The following NPAS3 variants were observed in gnomAD, a reference collection of about 807,000 sequenced individuals.
NPAS3 encodes the protein neuronal PAS domain-containing protein 3.
A neutral mutation model predicts 73.1 loss-of-function variants in NPAS3; 14 were observed. The ratio of observed to expected loss-of-function variants is 0.19; its 90% confidence interval spans 0.13 to 0.30. The LOEUF (loss-of-function observed/expected upper bound fraction) is 0.30, where lower values mean the gene tolerates loss of function less well. Ranked by LOEUF, NPAS3 falls within the 10% of genes least tolerant of loss-of-function variation. The pLI is 1.00. For synonymous variants in NPAS3, 620 were observed against 541.5 expected, an observed-to-expected ratio of 1.14 and a Z score of -2.01; for missense variants, 1,096 against 1,250.0, an observed-to-expected ratio of 0.88 and a Z score of 1.86.
chr14:33,297,297 T>A (rs1031256455), intron 3 of NPAS3, among the ~76,000 whole-genome samples: 6 of 152,166 alleles, frequency 3.9e-5, no homozygotes, highest in African/African-American at 1.4e-4. Context: ...TAACTTAATA[T>A]ATACAAAACA....
intron 4 of NPAS3, among the ~76,000 whole-genome samples, chr14:33,468,528 C>T (rs147298148): frequency 1.3e-5 from 2 of 152,262 alleles, no homozygotes; most frequent in African/African-American, 4.8e-5. Flanking sequence ...GGATGCTTCT[C>T]TATAAGAATC....
intron 2 of NPAS3, among the ~76,000 whole-genome samples, chr14:33,201,579 G>C (rs2046618412): frequency 6.6e-6 from 1 of 152,202 alleles, no homozygotes; most frequent in South Asian, 2.1e-4. Flanking sequence ...GTATATTTAA[G>C]AAAGGGCTCA....
chr14:33,346,862 AG>A (rs1299959572), intron 3 of NPAS3, among the ~76,000 whole-genome samples: 2 of 152,136 alleles, frequency 1.3e-5, no homozygotes, highest in African/African-American at 4.8e-5. Context: ...GAAGCTGGGA[AG>A]CATTTCAGAA....
At chr14:32,952,716 T>C (rs1256170001) in intron 1 of NPAS3, among the ~76,000 whole-genome samples, 2 of 152,140 alleles carry the variant, frequency 1.3e-5, no homozygotes, top group Non-Finnish European at 1.5e-5. Context: ...TAGTTAAAAG[T>C]CACTAACTGT....
At chr14:33,444,417 AC>A (rs2049392384) in intron 4 of NPAS3, among the ~76,000 whole-genome samples, 1 of 152,266 alleles carries the variant, frequency 6.6e-6, no homozygotes, top group Admixed American at 6.5e-5. Flanking sequence ...AAACAAAGTA[AC>A]TGTCTTCGAA....
intron 5 of NPAS3, among the ~76,000 whole-genome samples, chr14:33,583,067 T>A (rs2056738733): frequency 6.9e-6 from 1 of 144,312 alleles, no homozygotes; most frequent in East Asian, 2.0e-4. Flanking sequence ...GCCCTAGTCT[T>A]CTGACACCTT....
chr14:33,222,461 G>T lies in NPAS3; in HGVS notation c.385+7035G>T, dbSNP rs566895487. Reference sequence around the variant, plus strand: ...TTGGGTTTGCTTGAACTCCTATTCAGCATTCACATCCCAGCTCAGATGTCA... The same window carrying T: ...TTGGGTTTGCTTGAACTCCTATTCATCATTCACATCCCAGCTCAGATGTCA... On this transcript the variant is annotated intron_variant, in intron 3 of 11. Coordinates refer to ENST00000356141, the Ensembl canonical transcript of NPAS3. Among the ~76,000 whole-genome samples the T allele has an allele frequency of 3.3e-5, 5 of 152,298 alleles. 1 individual carries two copies. The East Asian group carries it at 9.7e-4, about 29-fold the overall frequency.
At chr14:33,156,087 T>G (rs768541689) in intron 2 of NPAS3, among the ~76,000 whole-genome samples, 1 of 152,010 alleles carries the variant, frequency 6.6e-6, no homozygotes, top group Non-Finnish European at 1.5e-5. Context: ...ATAATAAAAA[T>G]AGGAACTTTT....
intron 4 of NPAS3, among the ~76,000 whole-genome samples, chr14:33,427,425 A>C (rs1032518197): frequency 3.3e-5 from 5 of 151,976 alleles, no homozygotes; most frequent in Admixed American, 2.6e-4. Flanking sequence ...AGTAAATTCC[A>C]CAACCAGAAA....
intron 1 of NPAS3, among the ~76,000 whole-genome samples, chr14:32,999,287 A>G (rs1446505602): frequency 1.1e-4 from 16 of 152,154 alleles, no homozygotes; most frequent in Admixed American, 4.6e-4. Flanking sequence ...CAAGGTGGGC[A>G]GATCACAAGG....
At chr14:32,934,858 T>A (rs2035646519), upstream of NPAS3, 10 of 597,320 alleles carry the variant, frequency 1.7e-5, no homozygotes, top group Non-Finnish European at 2.1e-5. This position sits in a 1 kb window ranked among gnomAD's most constrained non-coding sequence, Gnocchi z 4.1. Context: ...GATCCGAATC[T>A]TTCCGGATTT....
chr14:33,345,801 T>G (rs999656409), intron 3 of NPAS3, among the ~76,000 whole-genome samples: 2 of 152,242 alleles, frequency 1.3e-5, no homozygotes, highest in African/African-American at 4.8e-5. Context: ...GCATATCAGC[T>G]AAGTACTTAC....
intron 3 of NPAS3, among the ~76,000 whole-genome samples, chr14:33,263,712 A>G (rs1364458038): frequency 6.6e-6 from 1 of 152,162 alleles, no homozygotes; most frequent in Admixed American, 6.5e-5. Context: ...TATCTTGGGT[A>G]GTATGGCCAT....
intron 5 of NPAS3, among the ~76,000 whole-genome samples, chr14:33,637,226 T>C (rs1399082460): frequency 6.6e-6 from 1 of 152,170 alleles, no homozygotes; most frequent in Admixed American, 6.5e-5. Flanking sequence ...TAGTCACAAA[T>C]CTATAATTAA....
chr14:33,116,675 G>C (rs1311626844), intron 2 of NPAS3, among the ~76,000 whole-genome samples: 1 of 152,036 alleles, frequency 6.6e-6, no homozygotes, highest in Non-Finnish European at 1.5e-5. Flanking sequence ...ACTGACAAAA[G>C]TTGTGCCAGG....
At chr14:33,234,319 G>A (rs1039837710) in intron 3 of NPAS3, among the ~76,000 whole-genome samples, 3 of 152,082 alleles carry the variant, frequency 2.0e-5, no homozygotes, top group African/African-American at 7.2e-5. Flanking sequence ...CCAAGAAATG[G>A]GAAAGTAATA....
rs542288853 is a variant in NPAS3, at chr14:33,671,635, C to G, written c.559-4576C>G. ...TGATTATTTATTACTTGTTGCCTATCTATCTGCTGCCCCTGATGCATTCTC... is the reference window on the plus strand; with the variant it reads ...TGATTATTTATTACTTGTTGCCTATGTATCTGCTGCCCCTGATGCATTCTC... On this transcript the variant is annotated intron_variant, in intron 5 of 11. Transcript: ENST00000356141. Among the ~76,000 whole-genome samples, 4 of 152,316 alleles carry G rather than the reference C, an allele frequency of 2.6e-5. No individual in the cohort carries two copies. The South Asian group carries it at 6.2e-4, about 24-fold the overall frequency.
rs895392565 is a variant in NPAS3 at position 33,794,466 on chromosome 14, G to T, written c.1301+422G>T. Among the ~76,000 whole-genome samples the T allele has an allele frequency of 8.5e-5, 13 of 152,148 alleles. 1 individual carries two copies. The highest frequency in any genetic ancestry group is 2.4e-4 in the African/African-American group (10 of 41,444). On this transcript the variant is annotated intron_variant, in intron 10 of 11. Coordinates refer to ENST00000356141, the Ensembl canonical transcript of NPAS3. ...AACAGAGCGGGAGAAAAGTGGCAGGGAACATTATATTCCTCTTATATTTCT... is the reference window on the plus strand; with the variant it reads ...AACAGAGCGGGAGAAAAGTGGCAGGTAACATTATATTCCTCTTATATTTCT...
intron 1 of NPAS3, among the ~76,000 whole-genome samples, chr14:33,016,761 C>T (rs1289601825): frequency 1.3e-5 from 2 of 152,120 alleles, no homozygotes; most frequent in Non-Finnish European, 2.9e-5. Flanking sequence ...CCCCTTGCGG[C>T]CTTCTGCCCC....
Sources: gnomAD v4.1 joint callset for allele counts (sites outside exome capture counted in the v4.1 genomes callset) on GRCh38, gnomAD v4.1.1 for gene constraint, Gnocchi (gnomAD v3.1) non-coding constraint, MANE v1.5 for transcripts, NCBI Gene and HGNC (gene_info 2026-07-23, HGNC 2026-07-21) for gene names.